Variants in GPC5 observed in about 807,000 individuals in gnomAD.
The protein encoded by GPC5 is glypican 5.
In GPC5, 47 loss-of-function variants were observed where a neutral mutation model predicts 53.9. That is an observed-to-expected ratio of 0.87 (90% CI 0.69 to 1.11). The LOEUF (loss-of-function observed/expected upper bound fraction) is 1.11, where lower values mean the gene tolerates loss of function less well. Ranked by LOEUF, GPC5 falls within the 50% of genes most tolerant of loss-of-function variation. The pLI is 0.00. For missense variants in GPC5, 748 were observed against 713.1 expected (o/e 1.05, Z -0.56); for synonymous variants, 286 against 263.3 (o/e 1.09, Z -0.84).
intron 7 of GPC5, among the ~76,000 whole-genome samples, chr13:92,568,772 C>G (rs34542901): frequency 0.068 from 10,282 of 152,108 alleles, 504 homozygotes; most frequent in Non-Finnish European, 0.098. Context: ...TTAATCCCAC[C>G]TTAGAACTGG....
chr13:92,321,459 C>T (rs1727260645), intron 7 of GPC5, among the ~76,000 whole-genome samples: 1 of 152,086 alleles, frequency 6.6e-6, no homozygotes, highest in Non-Finnish European at 1.5e-5. Flanking sequence ...GGTGTGGTGG[C>T]ACATGCCTCT....
intron 7 of GPC5, among the ~76,000 whole-genome samples, chr13:92,494,054 GTTT>G (rs10589362): frequency 0.16 from 23,851 of 148,290 alleles, 1,969 homozygotes; most frequent in African/African-American, 0.19. Context: ...ATTACTTTGT[GTTT>G]TTTTTTGTTT....
chr13:91,604,434 G>A (rs1446522371), intron 2 of GPC5, among the ~76,000 whole-genome samples: 1 of 151,956 alleles, frequency 6.6e-6, no homozygotes, highest in South Asian at 2.1e-4. Context: ...TGTCTTTATA[G>A]CAGCATGATT....
chr13:92,521,684 A>G (rs1881054834), intron 7 of GPC5, among the ~76,000 whole-genome samples: 1 of 152,114 alleles, frequency 6.6e-6, no homozygotes, highest in South Asian at 2.1e-4. Context: ...CTAGAAGAAA[A>G]CCTAGGCAAT....
chr13:92,810,056 T>C (rs1448582153), intron 7 of GPC5, among the ~76,000 whole-genome samples: 2 of 152,126 alleles, frequency 1.3e-5, no homozygotes, highest in Admixed American at 1.3e-4. Flanking sequence ...TGGTATCACA[T>C]AATGAATGCC....
chr13:92,864,196 C>T (rs1879272395), intron 7 of GPC5, among the ~76,000 whole-genome samples: 1 of 152,126 alleles, frequency 6.6e-6, no homozygotes, highest in Non-Finnish European at 1.5e-5. Context: ...CTGCCAGGCT[C>T]TTGAAAAGAT....
intron 7 of GPC5, among the ~76,000 whole-genome samples, chr13:92,604,261 T>G (rs1417583147): frequency 6.6e-6 from 1 of 152,212 alleles, no homozygotes; most frequent in African/African-American, 2.4e-5. Context: ...CTACATTTCT[T>G]TGAAATGTAT....
At chr13:91,650,757 T>TTTTTTTTTTTTTTTTTTTTG (rs2034686727) in intron 2 of GPC5, among the ~76,000 whole-genome samples, 1 of 149,142 alleles carries the variant, frequency 6.7e-6, no homozygotes, top group Non-Finnish European at 1.5e-5. Context: ...TAAGTTTTTT[T>TTTTTTTTTTTTTTTTTTTTG]TTTTTTTTTT....
At chr13:91,881,914 C>T (rs951625033) in intron 5 of GPC5, among the ~76,000 whole-genome samples, 4 of 152,140 alleles carry the variant, frequency 2.6e-5, no homozygotes, top group African/African-American at 9.7e-5. Flanking sequence ...TCCACAAAAA[C>T]TTAAAAATCA....
At chr13:92,198,807 C>A (rs1051357605) in intron 7 of GPC5, among the ~76,000 whole-genome samples, 1 of 152,134 alleles carries the variant, frequency 6.6e-6, no homozygotes, top group Non-Finnish European at 1.5e-5. Context: ...GAGTAGGTCA[C>A]ATCTCTATCT....
chr13:92,642,693 T>C (rs553194192), intron 7 of GPC5, among the ~76,000 whole-genome samples: 21 of 152,338 alleles, frequency 1.4e-4, no homozygotes, highest in African/African-American at 4.6e-4. Flanking sequence ...TTAGACAGTT[T>C]AGCCGAGGGG....
chr13:91,749,850 G>T (rs1278277498), intron 4 of GPC5, among the ~76,000 whole-genome samples: 1 of 152,194 alleles, frequency 6.6e-6, no homozygotes, highest in Non-Finnish European at 1.5e-5. Flanking sequence ...CTGCTCTATA[G>T]CCCAGGCTGG....
intron 7 of GPC5, among the ~76,000 whole-genome samples, chr13:92,680,480 A>G (rs541730552): frequency 6.6e-6 from 1 of 152,204 alleles, no homozygotes; most frequent in Non-Finnish European, 1.5e-5. Context: ...AGGATTAGAG[A>G]AAGTGAAGCA....
chr13:92,476,769 T>G (rs1447744310), intron 7 of GPC5, among the ~76,000 whole-genome samples: 1 of 148,768 alleles, frequency 6.7e-6, no homozygotes, highest in Non-Finnish European at 1.5e-5. Context: ...TTGGAAATCA[T>G]CATTCTCAGT....
intron 7 of GPC5, among the ~76,000 whole-genome samples, chr13:92,643,055 A>C (rs1885646857): frequency 6.6e-6 from 1 of 152,072 alleles, no homozygotes; most frequent in African/African-American, 2.4e-5. Context: ...TCCTTTGCCC[A>C]CTTTTTGATG....
chr13:91,878,979 ATT>A (rs2039234942), intron 5 of GPC5, among the ~76,000 whole-genome samples: 1 of 152,134 alleles, frequency 6.6e-6, no homozygotes, highest in Non-Finnish European at 1.5e-5. Context: ...CTATAATCAT[ATT>A]GTCTCCTACA....
At chr13:91,954,976 ACCATTAAAATG>A (rs1308201282) in intron 6 of GPC5, among the ~76,000 whole-genome samples, 7 of 152,294 alleles carry the variant, frequency 4.6e-5, no homozygotes, top group African/African-American at 1.7e-4. Flanking sequence ...TTTAAAATAT[ACCATTAAAATG>A]CCATTAAAAT....
intron 2 of GPC5, among the ~76,000 whole-genome samples, chr13:91,653,508 T>A (rs900261376): frequency 1.3e-5 from 2 of 152,198 alleles, no homozygotes; most frequent in Admixed American, 1.3e-4. Flanking sequence ...TGGTACATTT[T>A]AAAATAACTT....
intron 5 of GPC5, among the ~76,000 whole-genome samples, chr13:91,799,192 G>A (rs549190058): frequency 6.6e-5 from 10 of 152,322 alleles, no homozygotes; most frequent in Middle Eastern, 3.4e-3. Context: ...CAACATGGTT[G>A]CAGCTGTAAG....
Sources: gnomAD v4.1 joint callset for allele counts (sites outside exome capture counted in the v4.1 genomes callset) on GRCh38, gnomAD v4.1.1 for gene constraint, MANE v1.5 for transcripts, NCBI Gene and HGNC (gene_info 2026-07-23, HGNC 2026-07-21) for gene names.